Variants in ZNF354A observed in about 807,000 individuals in gnomAD.
The protein encoded by ZNF354A is zinc finger protein 354A, also known as epididymis luminal protein 104.
In ZNF354A, 25 loss-of-function variants were observed where a neutral mutation model predicts 53.3. That is an observed-to-expected ratio of 0.47 (90% confidence interval 0.34 to 0.66). The LOEUF is 0.66. ZNF354A is among the 30% of genes least tolerant of loss of function. ZNF354A has a pLI of 0.01. For synonymous variants in ZNF354A, 228 were observed against 249.0 expected (o/e 0.92, Z 0.79); for missense variants, 586 against 716.8 (o/e 0.82, Z 2.08).
Position 178,712,019 on chromosome 5 carries a change from T to C in ZNF354A, c.*41A>G, listed in dbSNP as rs1365277696. The C allele has an allele frequency of 3.3e-6, 5 of 1,524,118 alleles. No homozygotes were observed. Among genetic ancestry groups the C allele is most frequent in the African/African-American group, 1.4e-5 (1 of 71,742 alleles). The allele number at this position is 1,524,118 out of a possible 1,614,324, so 94.4% of individuals were successfully genotyped here. A position where few individuals can be genotyped will look rare whatever the true frequency, so the allele number is the denominator to read the frequency against. ...TCTCTCTCAAGGATGTATTCTTCGA[T>C]GAGCTTTGGTTTAAGGCTTTCACAC... is the stretch of plus-strand genomic sequence containing the variant. On this transcript the variant is annotated 3_prime_UTR_variant, in exon 5 of 5. Transcript: ENST00000335815.
Position 178,712,750 on chromosome 5 carries a change from G to A in ZNF354A, c.1128C>T (p.His376=). ...SSSLRYHQRI[H]TGEKPFKCSE... The stretch of plus-strand genomic sequence containing the variant: ...TACATTTAAAAGGCTTCTCTCCAGT[G>A]TGAATTCTCTGATGATAACGAAGGG... The change falls in exon 5 of 5, where the codon CAC becomes CAT. Residue 376 remains histidine (H), a synonymous_variant. Transcript: ENST00000335815. 1 of 1,614,088 alleles carries A rather than the reference G, an allele frequency of 6.2e-7. No homozygotes were observed. Among genetic ancestry groups the A allele is most frequent in the Non-Finnish European group, 8.5e-7 (1 of 1,179,980 alleles).
chr5:178,714,645 T>C (rs568118314), intron 4 of ZNF354A, among the ~76,000 whole-genome samples: 35 of 152,366 alleles, frequency 2.3e-4, no homozygotes, highest in African/African-American at 8.2e-4. Context: ...GTTGTATGTT[T>C]TGTTAATCTG....
At chr5:178,730,402 G>GA (rs70997628) in intron 1 of ZNF354A, among the ~76,000 whole-genome samples, 154 bp downstream of exon 1, 36,810 of 151,936 alleles carry the variant, frequency 0.24, 5,178 homozygotes, top group South Asian at 0.35. Context: ...AGCGCCCCGC[G>GA]GGGGGGCGAG....
At chr5:178,725,864 T>C (rs75127800) in intron 3 of ZNF354A, among the ~76,000 whole-genome samples, 1 of 152,218 alleles carries the variant, frequency 6.6e-6, no homozygotes, top group African/African-American at 2.4e-5. Flanking sequence ...GCTTTTTTTT[T>C]CTGAGGAGGA....
Position 178,711,978 on chromosome 5 carries a change from CATTACATTT to C in ZNF354A, c.*73_*81del. ...AAATTATTACAGTTTTTTTCACATC[CATTACATTT>C]ATTACATCTCTCTCAAGGATGTATT... On this transcript the variant is annotated 3_prime_UTR_variant, in exon 5 of 5. Coordinates refer to ENST00000335815, the MANE Select transcript of ZNF354A (RefSeq NM_005649.3). 2.0e-6 allele frequency: 3 copies of C among 1,476,108 alleles called. No homozygotes were observed. The highest frequency in any genetic ancestry group is 2.7e-6 in the Non-Finnish European group (3 of 1,106,862). The allele number at this position is 1,476,108 out of a possible 1,614,324, so 91.4% of individuals were successfully genotyped here.
intron 2 of ZNF354A, among the ~76,000 whole-genome samples, chr5:178,728,455 G>A (rs888294940): frequency 3.3e-5 from 5 of 152,006 alleles, no homozygotes; most frequent in African/African-American, 4.8e-5. Context: ...ATGGTAACAT[G>A]CATACACAAA....
chr5:178,719,869 C>A (rs1176099065), intron 4 of ZNF354A, among the ~76,000 whole-genome samples: 1 of 151,506 alleles, frequency 6.6e-6, no homozygotes, highest in African/African-American at 2.4e-5. Context: ...ATGGCGTGAA[C>A]CCGGGAGGCG....
Position 178,727,145 on chromosome 5 carries a change from C to T in ZNF354A, c.34-20G>A. 1 of 1,606,302 alleles carries T rather than the reference C, an allele frequency of 6.2e-7. No homozygotes were observed. The highest frequency in any genetic ancestry group is 8.5e-7 in the Non-Finnish European group (1 of 1,175,930). On this transcript the variant is annotated intron_variant, in intron 2 of 4. Transcript: ENST00000335815. ...TGACACCTGTAAGGACAAGTCGTTC[C>T]AGCTCACCCAGGACCACCCTCACAG...
rs547760769 is a variant in ZNF354A at position 178,718,327 on chromosome 5, C to A, written c.257-4706G>T. 5.3e-5 allele frequency among the ~76,000 whole-genome samples: 8 copies of A among 152,284 alleles called. No homozygotes were observed. In the South Asian group the frequency reaches 1.2e-3, roughly 24 times the overall value. On this transcript the variant is annotated intron_variant, in intron 4 of 4. Coordinates refer to ENST00000335815, the MANE Select transcript of ZNF354A (RefSeq NM_005649.3). Reference sequence around the variant, plus strand: ...AGCTACCTGTTAAACAAGGTGAAGACCTAGGTCAGAAGTTGAGAAGCCAGA... The same window carrying A: ...AGCTACCTGTTAAACAAGGTGAAGAACTAGGTCAGAAGTTGAGAAGCCAGA...
chr5:178,712,956 T>C lies in ZNF354A; in HGVS notation c.922A>G (p.Ser308Gly), dbSNP rs201384164. The C allele has an allele frequency of 3.0e-4, 487 of 1,614,034 alleles. 4 individuals are homozygous for C. The highest frequency in any genetic ancestry group is 6.7e-5 in the African/African-American group (5 of 74,928). The change falls in exon 5 of 5, where the codon AGC becomes GGC. Residue 308 changes from serine (S) to glycine (G), a missense_variant. Transcript: ENST00000335815. ...YRCKECGKSF[S>G]RRSGLFIHQK... is the part of the protein sequence containing the mutation. Reference sequence around the variant, plus strand: ...TGTATAAAAAGGCCTGACCTTCGGCTGAAGGATTTACCACATTCTTTACAT... The same window carrying C: ...TGTATAAAAAGGCCTGACCTTCGGCCGAAGGATTTACCACATTCTTTACAT...
intron 4 of ZNF354A, among the ~76,000 whole-genome samples, chr5:178,719,933 C>G (rs939365607): frequency 7.6e-6 from 1 of 132,060 alleles, no homozygotes; most frequent in Non-Finnish European, 1.7e-5. Flanking sequence ...GGCGACAGAG[C>G]GAGACTCCGT....
At chr5:178,728,042 G>C (rs1030260840) in intron 2 of ZNF354A, among the ~76,000 whole-genome samples, 1 of 152,082 alleles carries the variant, frequency 6.6e-6, no homozygotes, top group Non-Finnish European at 1.5e-5. Context: ...GTAGAGACAG[G>C]GTTCCACCAT....
At chr5:178,729,431 G>C (rs4604206) in intron 1 of ZNF354A, 40,254 of 149,710 alleles carry the variant, frequency 0.27, 3,672 homozygotes, top group South Asian at 0.33. Context: ...CGTTCACGCC[G>C]CTGCGAGGCG....
chr5:178,725,300 C>T, intron 4 of ZNF354A, 76 bp downstream of exon 4: 2 of 1,454,898 alleles, frequency 1.4e-6, no homozygotes, highest in African/African-American at 1.4e-5. Flanking sequence ...GGGAGTTTCC[C>T]AACCAACGTT....
At chr5:178,729,772 C>A (rs558737936) in intron 1 of ZNF354A, among the ~76,000 whole-genome samples, 1 of 151,836 alleles carries the variant, frequency 6.6e-6, no homozygotes, top group East Asian at 2.0e-4. Context: ...GTCTCGAACT[C>A]CTGATCTCAG....
In ZNF354A at chr5:178,713,664, T is replaced by C. The variant is rs778530000; in HGVS notation, c.257-43A>G. The C allele has an allele frequency of 7.3e-6, 11 of 1,502,984 alleles. No homozygotes were observed. In the East Asian group the frequency reaches 9.1e-5, roughly 12 times the overall value. The allele number at this position is 1,502,984 out of a possible 1,614,324, so 93.1% of individuals were successfully genotyped here. On this transcript the variant is annotated intron_variant, in intron 4 of 4. Coordinates refer to ENST00000335815, the MANE Select transcript of ZNF354A (RefSeq NM_005649.3). ...ATCAAAAATGTTTCATGTGATATCA[T>C]AGCATCTGACTACTGAGACTAAAAG...
chr5:178,728,553 G>C (rs999838609), intron 2 of ZNF354A, among the ~76,000 whole-genome samples: 13 of 151,956 alleles, frequency 8.6e-5, no homozygotes, highest in Non-Finnish European at 1.3e-4. Flanking sequence ...ACTTTGGGAG[G>C]CTGAGGCGGG....
intron 4 of ZNF354A, among the ~76,000 whole-genome samples, chr5:178,719,946 CAAA>C (rs11327025): frequency 5.7e-5 from 8 of 140,820 alleles, no homozygotes; most frequent in Admixed American, 1.4e-4. Flanking sequence ...GACTCCGTCT[CAAA>C]AAAAAAAAAA....
chr5:178,724,254 T>C (rs1418018005), intron 4 of ZNF354A, among the ~76,000 whole-genome samples: 3 of 149,868 alleles, frequency 2.0e-5, no homozygotes, highest in African/African-American at 7.4e-5. Context: ...AGACAGAGTC[T>C]CACTCTGTCG....
Sources: gnomAD v4.1 joint callset for allele counts (sites outside exome capture counted in the v4.1 genomes callset) on GRCh38, gnomAD v4.1.1 for gene constraint, MANE v1.5 for transcripts, NCBI Gene and HGNC (gene_info 2026-07-23, HGNC 2026-07-21) for gene names.